The following CAPG variants were observed in gnomAD, a reference collection of about 807,000 sequenced individuals.
CAPG encodes macrophage-capping protein.
In CAPG, 32 loss-of-function variants were observed where a neutral mutation model predicts 44.6. The ratio of observed to expected loss-of-function variants is 0.72; its 90% CI spans 0.54 to 0.96. CAPG has a LOEUF of 0.96. Among genes scored for constraint, CAPG ranks in the 50% least tolerant of loss-of-function variants. The pLI, the probability that CAPG is intolerant of heterozygous loss-of-function variation, is 0.00. For synonymous variants in CAPG, 175 were observed against 179.6 expected (o/e 0.97, Z 0.20); for missense variants, 412 against 438.3 (o/e 0.94, Z 0.54).
chr2:85,405,206 T>C (rs1484375330), intron 1 of CAPG, among the ~76,000 whole-genome samples: 1 of 152,016 alleles, frequency 6.6e-6, no homozygotes, highest in African/African-American at 2.4e-5. Context: ...AGGGAAAAAA[T>C]GCTAAACGCA....
At chr2:85,396,361 G>A (rs544361941) in intron 8 of CAPG, among the ~76,000 whole-genome samples, 2 of 138,636 alleles carry the variant, frequency 1.4e-5, no homozygotes, top group Non-Finnish European at 3.2e-5. Flanking sequence ...AATTTTGGGG[G>A]GTTTTTTTTT....
Position 85,400,381 on chromosome 2 carries a change from G to A in CAPG, c.516+784C>T, listed in dbSNP as rs1686823177. 2.0e-5 allele frequency among the ~76,000 whole-genome samples: 3 copies of A among 152,120 alleles called. No homozygotes were observed. In the South Asian group the frequency reaches 6.2e-4, roughly 31 times the overall value. On this transcript the variant is annotated intron_variant, in intron 5 of 9. Transcript: ENST00000263867. ...CCTGTCCCCTTCCTTGTCTCAGCACGTGTAGTCCTCACCAAGAGCTCCTGG... is the reference window on the plus strand; with the variant it reads ...CCTGTCCCCTTCCTTGTCTCAGCACATGTAGTCCTCACCAAGAGCTCCTGG...
chr2:85,402,011 C>T, intron 2 of CAPG, 54 bp from the exon 3 acceptor site: 4 of 1,609,408 alleles, frequency 2.5e-6, no homozygotes, highest in Non-Finnish European at 2.6e-6. Flanking sequence ...CCAAGCACAG[C>T]CCTGGGCAGG....
chr2:85,397,930 G>T, intron 8 of CAPG, 90 bp downstream of exon 8: 2 of 1,291,934 alleles, frequency 1.5e-6, no homozygotes, highest in Non-Finnish European at 2.2e-6. Context: ...TCTTTTACAA[G>T]CAGCTAGACA....
chr2:85,395,478 G>T lies in CAPG; in HGVS notation c.981+60C>A, dbSNP rs762309199. On this transcript the variant is annotated intron_variant, in intron 9 of 9. Coordinates refer to ENST00000263867, the MANE Select transcript of CAPG (RefSeq NM_001747.4). This position sits in a 1 kb window ranked among gnomAD's most constrained non-coding sequence, Gnocchi z 4.3. ...TCCTGCCCTTCCTGGCCAATTTGAG[G>T]GGTCAGGGGCCACAGGAAGAGCCCT... 2.3e-5 allele frequency: 33 copies of T among 1,410,532 alleles called. No homozygotes were observed. The highest frequency in any genetic ancestry group is 3.5e-4 in the Middle Eastern group (2 of 5,640). The allele number at this position is 1,410,532 out of a possible 1,614,324, so 87.4% of individuals were successfully genotyped here. A position where few individuals can be genotyped will look rare whatever the true frequency, so the allele number is the denominator to read the frequency against.
At chr2:85,404,029 A>C (rs1446378576) in intron 1 of CAPG, among the ~76,000 whole-genome samples, 1 of 152,126 alleles carries the variant, frequency 6.6e-6, no homozygotes, top group Admixed American at 6.5e-5. Flanking sequence ...GGGTGATGAT[A>C]GCTAATAATA....
At chr2:85,408,379 C>CACA (rs1414612076) in intron 1 of CAPG, among the ~76,000 whole-genome samples, 2 of 146,150 alleles carry the variant, frequency 1.4e-5, no homozygotes, top group African/African-American at 5.0e-5. Flanking sequence ...CACACACACA[C>CACA]AAGCCCCCTT....
At chr2:85,409,370 T>C (rs922046715) in intron 1 of CAPG, among the ~76,000 whole-genome samples, 14 of 152,154 alleles carry the variant, frequency 9.2e-5, no homozygotes, top group African/African-American at 3.1e-4. Context: ...TTAGGCTGTC[T>C]TTGAGGACAC....
downstream of CAPG, among the ~76,000 whole-genome samples, chr2:85,392,962 G>A (rs1213882467): frequency 6.6e-6 from 1 of 152,148 alleles, no homozygotes; most frequent in African/African-American, 2.4e-5. Context: ...AATGTAGTCT[G>A]GCAATTTTAA....
chr2:85,399,081 C>A (rs1226528346), intron 6 of CAPG, 55 bp downstream of exon 6: 28 of 1,593,760 alleles, frequency 1.8e-5, no homozygotes, highest in Non-Finnish European at 2.4e-5. Context: ...ATCACCACCT[C>A]TCTTGGCCAC....
At chr2:85,398,869 G>A in intron 6 of CAPG, 87 bp from the exon 7 acceptor site, 2 of 1,085,906 alleles carry the variant, frequency 1.8e-6, no homozygotes, top group Non-Finnish European at 2.7e-6. Flanking sequence ...TGCTTCTGGT[G>A]GGGCAAACTG....
intron 1 of CAPG, among the ~76,000 whole-genome samples, chr2:85,404,020 G>A (rs779757038): frequency 6.6e-6 from 1 of 151,914 alleles, no homozygotes; most frequent in Non-Finnish European, 1.5e-5. Flanking sequence ...TGAAAATCAG[G>A]GTGATGATAG....
At chr2:85,419,276 C>T (rs62162754), upstream of CAPG, 25,444 of 152,282 alleles carry the variant, frequency 0.17, 2,532 homozygotes, top group Non-Finnish European at 0.24. Context: ...GAGGTAATAA[C>T]CAGGGCGCTC....
intron 1 of CAPG, among the ~76,000 whole-genome samples, chr2:85,402,748 G>C (rs1686963827): frequency 6.6e-6 from 1 of 151,222 alleles, no homozygotes; most frequent in African/African-American, 2.4e-5. Flanking sequence ...GTATAGGCAT[G>C]AGCCACCATG....
At chr2:85,405,725 C>T (rs1395862552) in intron 1 of CAPG, among the ~76,000 whole-genome samples, 4 of 152,102 alleles carry the variant, frequency 2.6e-5, no homozygotes, top group Non-Finnish European at 5.9e-5. Flanking sequence ...ACCACGATTC[C>T]GGAAGAGGAC....
rs1686552737 is a variant in CAPG, at chr2:85,395,543, T to A, written c.976A>T (p.Thr326Ser). The A allele has an allele frequency of 6.2e-7, 1 of 1,613,072 alleles. No individual in the cohort carries two copies. The highest frequency in any genetic ancestry group is 1.3e-5 in the African/African-American group (1 of 74,864). The change falls in exon 9 of 10, where the codon ACT becomes TCT. Residue 326 changes from threonine to serine, a missense_variant. Physicochemically the swap from Thr to Ser is moderately conservative, Grantham distance 58 (BLOSUM62 1). Coordinates refer to ENST00000263867, the MANE Select transcript of CAPG (RefSeq NM_001747.4). The surrounding 1 kb of genome is among the most constrained non-coding windows in gnomAD (Gnocchi z 4.3). ...GGTTGTGCGCATCTCCTCACCTGAG[T>A]GTTCGGGGCGTACTGCATGCGCGAG... ...FISRMQYAPNTQVEILPQGHE... is the reference protein window; with the variant it reads ...FISRMQYAPNSQVEILPQGHE...
chr2:85,401,479 T>C, intron 4 of CAPG, 50 bp downstream of exon 4: 1 of 1,605,824 alleles, frequency 6.2e-7, no homozygotes. Flanking sequence ...GAAGCAGGGC[T>C]GGCTCTGAGG....
At chr2:85,412,688 C>T (rs1687450445), upstream of CAPG, among the ~76,000 whole-genome samples, 1 of 151,990 alleles carries the variant, frequency 6.6e-6, no homozygotes, top group South Asian at 2.1e-4. Flanking sequence ...ACATGTACCC[C>T]TGAACTTAAA....
Position 85,394,933 on chromosome 2 carries a change from TC to T in CAPG, c.1006del (p.Glu336ArgfsTer49). 1 of 1,613,486 alleles carries T rather than the reference TC, an allele frequency of 6.2e-7. No homozygotes were observed. Among genetic ancestry groups the T allele is most frequent in the Non-Finnish European group, 8.5e-7 (1 of 1,179,436 alleles). ...GAAAAATTGCTTGAAGATGGGACTC[TC>T]ATGGCCCTGAGGCAGAATCTCCACC... ...TQVEILPQGH[E>X]SPIFKQFFKD... On this transcript the variant is annotated frameshift_variant, in exon 10 of 10. Coordinates refer to ENST00000263867, the MANE Select transcript of CAPG (RefSeq NM_001747.4). LOFTEE classifies it high-confidence loss of function.
Sources: gnomAD v4.1 joint callset for allele counts (sites outside exome capture counted in the v4.1 genomes callset) on GRCh38, gnomAD v4.1.1 for gene constraint, Gnocchi (gnomAD v3.1) non-coding constraint, MANE v1.5 for transcripts, NCBI Gene and HGNC (gene_info 2026-07-23, HGNC 2026-07-21) for gene names.